Variants in FHOD3 observed in about 807,000 individuals in gnomAD.
FHOD3 encodes FH1/FH2 domain-containing protein 3.
A neutral mutation model predicts 173.0 loss-of-function variants in FHOD3; 90 were observed. The ratio of observed to expected loss-of-function variants is 0.52; its 90% CI spans 0.44 to 0.62. The LOEUF is 0.62. Among genes scored for constraint, FHOD3 ranks in the 20% least tolerant of loss-of-function variants. FHOD3 has a pLI of 0.00. For missense variants in FHOD3, 1,945 were observed against 2,034.7 expected, an observed-to-expected ratio of 0.96 and a Z score of 0.85; for synonymous variants, 828 against 823.0, an observed-to-expected ratio of 1.01 and a Z score of -0.10.
intron 3 of FHOD3, among the ~76,000 whole-genome samples, chr18:36,391,821 C>G (rs1447854639): frequency 6.6e-6 from 1 of 152,168 alleles, no homozygotes; most frequent in Non-Finnish European, 1.5e-5. Context: ...TCCAGACAAA[C>G]CATGTGGCCC....
chr18:36,775,946 C>T (rs372919335), intron 28 of FHOD3, among the ~76,000 whole-genome samples: 2 of 152,076 alleles, frequency 1.3e-5, no homozygotes, highest in Admixed American at 6.6e-5. Context: ...GAGGCCGTCC[C>T]GTGGGAAAGG....
At chr18:36,692,307 A>AG (rs2039014669) in intron 16 of FHOD3, among the ~76,000 whole-genome samples, 2 of 152,368 alleles carry the variant, frequency 1.3e-5, no homozygotes, top group African/African-American at 4.8e-5. Context: ...ATAGATGCAA[A>AG]GTGAGCGTCT....
intron 3 of FHOD3, among the ~76,000 whole-genome samples, chr18:36,435,663 A>G (rs1156498288): frequency 6.6e-6 from 1 of 152,220 alleles, no homozygotes; most frequent in Non-Finnish European, 1.5e-5. Flanking sequence ...TGATATATGA[A>G]AAGCAACCCA....
rs751843910 is a variant in FHOD3, at chr18:36,718,314, A to G, written c.3016A>G (p.Ile1006Val). 1.2e-6 allele frequency: 2 copies of G among 1,614,068 alleles called. No individual in the cohort carries two copies. Among genetic ancestry groups the G allele is most frequent in the Non-Finnish European group, 1.7e-6 (2 of 1,180,014 alleles). Residue 1006 changes from isoleucine to valine, a missense_variant, in exon 19 of 29, where the codon ATT becomes GTT. By Grantham distance (29) the Ile-to-Val change is conservative (BLOSUM62 3). This residue lies in a region of FHOD3 where 1,099 missense variants were observed against 1,051.2 expected (regional missense o/e 1.05). Transcript: ENST00000590592. ...DFTDLGEEDD[I>V]DVLDVDLGHR... ...CACTGACCTGGGGGAGGAGGATGAC[A>G]TTGATGTCCTAGATGTGGACCTGGG...
chr18:36,681,984 A>G (rs543993625), intron 15 of FHOD3, among the ~76,000 whole-genome samples: 1 of 152,202 alleles, frequency 6.6e-6, no homozygotes. Context: ...TGATCCCTGT[A>G]ACAATCTTCA....
intron 5 of FHOD3, among the ~76,000 whole-genome samples, chr18:36,560,263 C>A (rs2058040175): frequency 6.6e-6 from 1 of 152,232 alleles, no homozygotes; most frequent in South Asian, 2.1e-4. Context: ...CATTCTCAAG[C>A]AAGCTTATAC....
chr18:36,412,549 G>A (rs566927346), intron 3 of FHOD3, among the ~76,000 whole-genome samples: 1 of 152,144 alleles, frequency 6.6e-6, no homozygotes, highest in African/African-American at 2.4e-5. Flanking sequence ...GATATTATGC[G>A]ATTTTCCCCA....
intron 3 of FHOD3, among the ~76,000 whole-genome samples, chr18:36,485,324 C>T (rs1019771235): frequency 5.9e-5 from 9 of 152,126 alleles, no homozygotes; most frequent in South Asian, 2.1e-4. Flanking sequence ...CCTGTGGTTG[C>T]GAGTCTTTCT....
intron 3 of FHOD3, among the ~76,000 whole-genome samples, chr18:36,397,004 T>G (rs1409129529): frequency 6.6e-6 from 1 of 152,232 alleles, no homozygotes; most frequent in African/African-American, 2.4e-5. Context: ...CTTTCCTTTA[T>G]ATTACTGCTC....
chr18:36,625,106 C>T (rs905050903), intron 9 of FHOD3, among the ~76,000 whole-genome samples: 8 of 152,060 alleles, frequency 5.3e-5, no homozygotes, highest in East Asian at 3.9e-4. Context: ...GATAGGGAAC[C>T]GGCCACCACT....
intron 3 of FHOD3, among the ~76,000 whole-genome samples, chr18:36,498,979 G>A (rs1055390510): frequency 6.6e-6 from 1 of 152,118 alleles, no homozygotes; most frequent in African/African-American, 2.4e-5. Flanking sequence ...GTAACTAAAG[G>A]AGACTTTAAC....
intron 14 of FHOD3, among the ~76,000 whole-genome samples, chr18:36,671,747 G>A (rs1271439602): frequency 6.6e-6 from 1 of 152,226 alleles, no homozygotes; most frequent in East Asian, 1.9e-4. Context: ...AATTCAGTCA[G>A]TGTGTATTGA....
At chr18:36,425,890 T>G (rs1238291687) in intron 3 of FHOD3, among the ~76,000 whole-genome samples, 1 of 151,850 alleles carries the variant, frequency 6.6e-6, no homozygotes, top group African/African-American at 2.4e-5. Flanking sequence ...CTTCACACAC[T>G]ATTTCTTTCT....
intron 5 of FHOD3, among the ~76,000 whole-genome samples, chr18:36,575,444 G>A (rs1027518263): frequency 2.0e-5 from 3 of 152,230 alleles, no homozygotes; most frequent in Admixed American, 2.0e-4. Context: ...GTGTGTGTTT[G>A]TAATGCATAA....
chr18:36,514,082 C>T (rs1316239964), intron 5 of FHOD3, among the ~76,000 whole-genome samples: 1 of 140,054 alleles, frequency 7.1e-6, no homozygotes. Context: ...GATCTCGGCT[C>T]ACTGCAAGCT....
chr18:36,621,062 G>C (rs550811198), intron 9 of FHOD3, among the ~76,000 whole-genome samples: 73 of 152,168 alleles, frequency 4.8e-4, no homozygotes, highest in African/African-American at 1.7e-3. Context: ...ATTTCAGAAG[G>C]GTGATTTGAT....
chr18:36,310,519 C>G (rs1282842883), intron 1 of FHOD3, among the ~76,000 whole-genome samples: 1 of 151,886 alleles, frequency 6.6e-6, no homozygotes, highest in Non-Finnish European at 1.5e-5. Context: ...AACCCCATCT[C>G]TACTAAAAAG....
chr18:36,591,754 CAA>C (rs11330265), intron 6 of FHOD3, among the ~76,000 whole-genome samples: 2 of 151,772 alleles, frequency 1.3e-5, no homozygotes, highest in Non-Finnish European at 2.9e-5. Flanking sequence ...ACTATCTCTA[CAA>C]AAAAAAATTT....
chr18:36,558,945 T>A (rs533957778), intron 5 of FHOD3, among the ~76,000 whole-genome samples: 1 of 152,324 alleles, frequency 6.6e-6, no homozygotes, highest in East Asian at 1.9e-4. Flanking sequence ...TTCAGACCCC[T>A]GTGCTCTGCT....
Sources: allele counts gnomAD v4.1 joint callset (sites outside exome capture counted in the v4.1 genomes callset), GRCh38; gene constraint gnomAD v4.1.1; regional missense constraint gnomAD v4.1.1; transcripts MANE v1.5; gene names NCBI Gene and HGNC (gene_info 2026-07-23, HGNC 2026-07-21).